Variants in ARHGEF3 observed in about 807,000 individuals in gnomAD.
ARHGEF3 encodes Rho guanine nucleotide exchange factor 3.
Under a neutral mutation model 63.2 loss-of-function variants are expected in ARHGEF3, and 28 were observed. The ratio of observed to expected loss-of-function variants is 0.44; its 90% CI spans 0.33 to 0.61. ARHGEF3 has a LOEUF of 0.61. Ranked by LOEUF, ARHGEF3 falls within the 20% of genes least tolerant of loss-of-function variation. The probability of loss-of-function intolerance (pLI) is 0.03; values close to 1 mark genes in which losing one functional copy is unlikely to be tolerated. For missense variants in ARHGEF3, 533 were observed against 659.3 expected, an observed-to-expected ratio of 0.81 and a Z score of 2.10; for synonymous variants, 266 against 254.2, an observed-to-expected ratio of 1.05 and a Z score of -0.44.
Position 56,754,972 on chromosome 3 carries a change from C to G in ARHGEF3, c.375+9G>C. The G allele has an allele frequency of 6.2e-7, 1 of 1,614,146 alleles. No homozygotes were observed. The highest frequency in any genetic ancestry group is 8.5e-7 in the Non-Finnish European group (1 of 1,180,020). On this transcript the variant is annotated intron_variant, in intron 3 of 9. Coordinates refer to ENST00000296315, the MANE Select transcript of ARHGEF3 (RefSeq NM_019555.3). ...GACACACAGCCAGCTCCATGGGCCC[C>G]GAGCCTACCTCCTGACGTTTGATTT... is the stretch of plus-strand genomic sequence containing the variant.
chr3:56,898,661 G>A (rs1027337456), intron 3 of ARHGEF3: 4 of 230,924 alleles, frequency 1.7e-5, no homozygotes, highest in African/African-American at 7.0e-5. Context: ...GGGAAAATGA[G>A]ACAAAGAAAA....
In ARHGEF3 at chr3:56,757,746, G is replaced by A. The variant is rs1460254252; in HGVS notation, c.205-2595C>T. Among the ~76,000 whole-genome samples, 4 of 150,656 alleles carry A rather than the reference G, an allele frequency of 2.7e-5. No homozygotes were observed. The East Asian group carries it at 8.1e-4, about 30-fold the overall frequency. On this transcript the variant is annotated intron_variant, in intron 2 of 9. Transcript: ENST00000296315. The stretch of plus-strand genomic sequence containing the variant: ...TAGCCTTTTTTTTTTGTTTTGAGAT[G>A]GAGTCTTGCTCTGTCGCCCAGGCTG...
chr3:57,007,222 T>TGGGG, intron 2 of ARHGEF3: 3 of 1,289,058 alleles, frequency 2.3e-6, no homozygotes, highest in Non-Finnish European at 3.0e-6. Context: ...GAGTCGAAGG[T>TGGGG]GGGGGGGTCA....
At chr3:57,042,689 TATATATATATA>T (rs1339548122) in intron 1 of ARHGEF3, among the ~76,000 whole-genome samples, 732 of 25,066 alleles carry the variant, frequency 0.029, 52 homozygotes, top group African/African-American at 0.11. Context: ...TATATATATA[TATATATATATA>T]TTTTTTTTTT....
intron 1 of ARHGEF3, among the ~76,000 whole-genome samples, chr3:57,071,608 C>T (rs371611136): frequency 6.0e-5 from 9 of 149,686 alleles, no homozygotes; most frequent in African/African-American, 2.0e-4. Context: ...TGTAGTGAGC[C>T]GAGATCATGC....
intron 4 of ARHGEF3, among the ~76,000 whole-genome samples, chr3:56,864,741 GA>G (rs2040186756): frequency 6.6e-6 from 1 of 152,128 alleles, no homozygotes; most frequent in Non-Finnish European, 1.5e-5. Flanking sequence ...TTACAGTTTA[GA>G]ATGATCTTCC....
At position 56,798,537 on chromosome 3, in the gene ARHGEF3, GTTT is replaced by G. The variant is rs368922829; in HGVS notation, c.96+3163_96+3165del. On this transcript the variant is annotated intron_variant, in intron 1 of 9. Transcript: ENST00000296315. Reference sequence around the variant, plus strand: ...GAGCTTGCTTCCTTTTCTTTACTTCGTTTTTTTTTTTTTTTTTTTTTAAGCCTT... The same window carrying G: ...GAGCTTGCTTCCTTTTCTTTACTTCGTTTTTTTTTTTTTTTTTTAAGCCTT... Among the ~76,000 whole-genome samples, 1,003 of 139,230 alleles carry G rather than the reference GTTT, an allele frequency of 7.2e-3. 6 individuals carry two copies. The highest frequency in any genetic ancestry group is 0.025 in the South Asian group (108 of 4,408). 91.3% of individuals were successfully genotyped at this position (139,230 alleles called of 152,430 possible).
chr3:57,030,718 C>T (rs1297593910), intron 2 of ARHGEF3, among the ~76,000 whole-genome samples: 2 of 152,190 alleles, frequency 1.3e-5, no homozygotes, highest in Non-Finnish European at 1.5e-5. Flanking sequence ...CATAGAAATG[C>T]ACTATCTGTC....
At chr3:56,810,815 T>C (rs1042301556) in intron 4 of ARHGEF3, among the ~76,000 whole-genome samples, 1 of 152,140 alleles carries the variant, frequency 6.6e-6, no homozygotes, top group African/African-American at 2.4e-5. Flanking sequence ...GTCCAATGAA[T>C]TGGAATCTTT....
chr3:57,067,695 C>T (rs1212963070), intron 1 of ARHGEF3, among the ~76,000 whole-genome samples: 4 of 149,764 alleles, frequency 2.7e-5, no homozygotes, highest in Admixed American at 6.7e-5. Context: ...AATTAGCCGG[C>T]GTGAGACCAG....
At chr3:57,061,033 A>G (rs1482120652) in intron 1 of ARHGEF3, among the ~76,000 whole-genome samples, 3 of 152,216 alleles carry the variant, frequency 2.0e-5, no homozygotes, top group Non-Finnish European at 2.9e-5. Flanking sequence ...AGTGACATCT[A>G]GCACATTCAC....
intron 2 of ARHGEF3, among the ~76,000 whole-genome samples, chr3:57,012,680 A>G (rs1484773851): frequency 6.6e-6 from 1 of 152,258 alleles, no homozygotes; most frequent in Non-Finnish European, 1.5e-5. Context: ...AGCCAGAACT[A>G]GGTTTTGCAC....
intron 2 of ARHGEF3, among the ~76,000 whole-genome samples, chr3:57,018,891 CAAAG>C (rs1235364875): frequency 1.3e-5 from 2 of 152,104 alleles, no homozygotes; most frequent in African/African-American, 2.4e-5. Context: ...GGTCATAAAA[CAAAG>C]AAGGAATTTG....
At chr3:56,998,246 A>C (rs753945345) in intron 2 of ARHGEF3, among the ~76,000 whole-genome samples, 1 of 152,128 alleles carries the variant, frequency 6.6e-6, no homozygotes, top group Admixed American at 6.6e-5. Context: ...CACACACACA[A>C]AAAAACTAAC....
intron 3 of ARHGEF3, among the ~76,000 whole-genome samples, chr3:56,935,757 G>C (rs1698867443): frequency 6.6e-6 from 1 of 152,176 alleles, no homozygotes; most frequent in Admixed American, 6.5e-5. Context: ...CTTAAGAGCT[G>C]TAACACTCAC....
chr3:57,074,139 G>C (rs1473782128), intron 1 of ARHGEF3: 1 of 1,614,124 alleles, frequency 6.2e-7, no homozygotes, highest in Admixed American at 1.7e-5. Flanking sequence ...GAGACTGTGT[G>C]AGGATATAGA....
chr3:56,895,694 A>AC (rs1371555619), intron 3 of ARHGEF3, among the ~76,000 whole-genome samples: 1 of 152,094 alleles, frequency 6.6e-6, no homozygotes, highest in South Asian at 2.1e-4. Flanking sequence ...TGATCTCCTG[A>AC]CCTTGTGATC....
chr3:56,767,541 G>A (rs1215477814), intron 2 of ARHGEF3, among the ~76,000 whole-genome samples: 10 of 127,556 alleles, frequency 7.8e-5, no homozygotes, highest in East Asian at 2.6e-4. Context: ...CTGAGATTGC[G>A]CCACTGCACT....
Position 56,732,750 on chromosome 3 carries a change from C to T in ARHGEF3, c.1042-326G>A, listed in dbSNP as rs568813044. 3.3e-5 allele frequency among the ~76,000 whole-genome samples: 5 copies of T among 152,096 alleles called. No individual in the cohort carries two copies. The East Asian group carries it at 7.7e-4, about 24-fold the overall frequency. ...ACTTGTACAGACATACCTGCCCCAG[C>T]TCCTATAAGAAAAAAACGAGAAAGG... is the stretch of plus-strand genomic sequence containing the variant. On this transcript the variant is annotated intron_variant, in intron 8 of 9. Transcript: ENST00000296315.
Sources: gnomAD v4.1 joint callset for allele counts (sites outside exome capture counted in the v4.1 genomes callset) on GRCh38, gnomAD v4.1.1 for gene constraint, MANE v1.5 for transcripts, NCBI Gene and HGNC (gene_info 2026-07-23, HGNC 2026-07-21) for gene names.